Variants in NOX4 observed in about 807,000 individuals in gnomAD.
NOX4 encodes the protein NADPH oxidase 4.
A neutral mutation model predicts 87.6 loss-of-function variants in NOX4; 69 were observed. The ratio of observed to expected loss-of-function variants is 0.79; its 90% confidence interval spans 0.65 to 0.96. The LOEUF is 0.96. Among genes scored for constraint, NOX4 ranks in the 40% least tolerant of loss-of-function variants. NOX4 has a pLI of 0.00. For missense variants in NOX4, 680 were observed against 681.5 expected (o/e 1.00, Z 0.02); for synonymous variants, 275 against 238.2 (o/e 1.15, Z -1.42).
chr11:89,400,097 G>A lies in NOX4; in HGVS notation c.1012-18C>T, dbSNP rs1172731822. 2 of 1,593,060 alleles carry A rather than the reference G, an allele frequency of 1.3e-6. No homozygotes were observed. The highest frequency in any genetic ancestry group is 4.5e-5 in the East Asian group (2 of 44,552). ...GTAATATACTAAAAAGCAACAAACA[G>A]ATAAGTTTTAAATGACCAATTAAGA... is the stretch of plus-strand genomic sequence containing the variant. On this transcript the variant is annotated intron_variant, in intron 10 of 17. Transcript: ENST00000263317.
chr11:89,411,892 A>G (rs1213719089), intron 8 of NOX4, among the ~76,000 whole-genome samples: 1 of 152,164 alleles, frequency 6.6e-6, no homozygotes, highest in Non-Finnish European at 1.5e-5. Flanking sequence ...TGGAGAAACA[A>G]AAAGACCCAA....
chr11:89,504,213 C>CA, the NOX4 span, among the ~76,000 whole-genome samples: 1 of 151,634 alleles, frequency 6.6e-6, no homozygotes, highest in Non-Finnish European at 1.5e-5. Context: ...ACTCTTGGCC[C>CA]AATTAAGTTG....
intron 8 of NOX4, among the ~76,000 whole-genome samples, chr11:89,412,446 G>A (rs893487478): frequency 6.6e-6 from 1 of 152,058 alleles, no homozygotes; most frequent in Non-Finnish European, 1.5e-5. Context: ...TCAAAAACTT[G>A]AAATAATATC....
the NOX4 span, among the ~76,000 whole-genome samples, chr11:89,567,555 A>G: frequency 6.6e-6 from 1 of 152,326 alleles, no homozygotes; most frequent in East Asian, 1.9e-4. Flanking sequence ...AAGAAGAAGC[A>G]AACATATCTT....
chr11:89,434,604 C>T (rs909582594), intron 6 of NOX4, among the ~76,000 whole-genome samples: 1 of 151,376 alleles, frequency 6.6e-6, no homozygotes, highest in African/African-American at 2.4e-5. Context: ...ATTGCACTTC[C>T]AAGTGTTTAC....
chr11:89,455,802 A>G (rs142272368), intron 2 of NOX4, among the ~76,000 whole-genome samples: 1 of 151,358 alleles, frequency 6.6e-6, no homozygotes, highest in African/African-American at 2.4e-5. Context: ...TTACTCCCAC[A>G]ATCTGTAGGC....
At chr11:89,446,058 C>T (rs1209676222) in intron 4 of NOX4, among the ~76,000 whole-genome samples, 2 of 152,046 alleles carry the variant, frequency 1.3e-5, no homozygotes, top group Non-Finnish European at 2.9e-5. Context: ...TGCCAAACAT[C>T]TCAATAGATA....
the NOX4 span, among the ~76,000 whole-genome samples, chr11:89,521,566 C>T: frequency 1.3e-5 from 2 of 150,908 alleles, no homozygotes; most frequent in Non-Finnish European, 3.0e-5. Flanking sequence ...TGACTTCAAA[C>T]TATAAGAATC....
chr11:89,491,887 C>G (rs1041865414), upstream of NOX4, among the ~76,000 whole-genome samples: 23 of 152,004 alleles, frequency 1.5e-4, no homozygotes, highest in African/African-American at 5.6e-4. Flanking sequence ...TTCTCCCACC[C>G]TTCCTCAGCA....
At position 89,370,620 on chromosome 11, in the gene NOX4, T is replaced by G. The variant is rs371600105; in HGVS notation, c.1135+2812A>C. 3.6e-4 allele frequency among the ~76,000 whole-genome samples: 55 copies of G among 152,170 alleles called. 1 individual carries two copies. Among genetic ancestry groups the G allele is most frequent in the African/African-American group, 1.1e-3 (47 of 41,576 alleles). On this transcript the variant is annotated intron_variant, in intron 12 of 17. Coordinates refer to ENST00000263317, the MANE Select transcript of NOX4 (RefSeq NM_016931.5). ...GAAGAGCAATAAGGTATTCATTCAA[T>G]TAAAAGAGAAATCTACTTGGGTAAT...
chr11:89,575,815 A>G, the NOX4 span, among the ~76,000 whole-genome samples: 2 of 149,642 alleles, frequency 1.3e-5, no homozygotes, highest in African/African-American at 4.9e-5. Flanking sequence ...TTTCCTTTTA[A>G]TAACTTTAAG....
chr11:89,403,571 C>T lies in NOX4; in HGVS notation c.630-1029G>A, dbSNP rs190069289. On this transcript the variant is annotated intron_variant, in intron 8 of 17. Coordinates refer to ENST00000263317, the MANE Select transcript of NOX4 (RefSeq NM_016931.5). The stretch of plus-strand genomic sequence containing the variant: ...CCTGACCAACAGGGAGAAGCCCCGT[C>T]TCTACTAAAAAACATACAAAATTAG... Among the ~76,000 whole-genome samples the T allele has an allele frequency of 6.6e-4, 101 of 152,146 alleles. 1 individual carries two copies. The East Asian group carries it at 0.013, about 19-fold the overall frequency.
Position 89,340,119 on chromosome 11 carries a change from T to C in NOX4, c.1390A>G (p.Arg464Gly). ...LRRLYFIWVC[R>G]DIQSFRWFAD... ...AACCAACGGAAGGACTGGATATCTC[T>C]GCATACCCAAATAAAGTATAGTCTT... Residue 464 changes from arginine (R) to glycine (G), a missense_variant, in exon 15 of 18, where the codon AGA becomes GGA. Coordinates refer to ENST00000263317, the MANE Select transcript of NOX4 (RefSeq NM_016931.5). The C allele has an allele frequency of 1.9e-6, 3 of 1,587,776 alleles. No individual in the cohort carries two copies. The highest frequency in any genetic ancestry group is 2.6e-6 in the Non-Finnish European group (3 of 1,171,544).
At chr11:89,536,198 G>A in the NOX4 span, among the ~76,000 whole-genome samples, 6 of 129,636 alleles carry the variant, frequency 4.6e-5, no homozygotes, top group Admixed American at 3.7e-4. Context: ...TCAGGCTGGT[G>A]TGCAGTGGCG....
chr11:89,444,217 G>A lies in NOX4; in HGVS notation c.365C>T (p.Ala122Val), dbSNP rs368290667. The A allele has an allele frequency of 2.8e-5, 45 of 1,613,184 alleles. No homozygotes were observed. The highest frequency in any genetic ancestry group is 3.6e-5 in the Non-Finnish European group (43 of 1,179,530). Residue 122 changes from alanine (A) to valine (V), a missense_variant, in exon 5 of 18, where the codon GCC (alanine) becomes GTC (valine). Coordinates refer to ENST00000263317, the MANE Select transcript of NOX4 (RefSeq NM_016931.5). ...ICIFSGVHVA[A>V]HLVNALNFSV... ...GAAGTTGAGGGCATTCACCAGATGG[G>A]CAGCCACATGCACGCCTACAGAATT...
At chr11:89,523,460 CAGAT>C in the NOX4 span, among the ~76,000 whole-genome samples, 4 of 152,170 alleles carry the variant, frequency 2.6e-5, no homozygotes, top group Non-Finnish European at 5.9e-5. Context: ...GGTACAGAAA[CAGAT>C]GGATTAAAAG....
intron 8 of NOX4, among the ~76,000 whole-genome samples, chr11:89,418,927 C>A (rs553885600): frequency 6.6e-6 from 1 of 151,964 alleles, no homozygotes; most frequent in African/African-American, 2.4e-5. Flanking sequence ...GGTAGAAAAA[C>A]CAGTCAACAA....
chr11:89,373,656 C>A (rs317164), intron 11 of NOX4, among the ~76,000 whole-genome samples, 164 bp from the exon 12 acceptor site: 2,239 of 151,980 alleles, frequency 0.015, 57 homozygotes, highest in African/African-American at 0.051. Context: ...AAAAAAAAAT[C>A]AATGTCAACA....
At chr11:89,489,733 A>C (rs1295575569) in intron 2 of NOX4, among the ~76,000 whole-genome samples, 1 of 151,296 alleles carries the variant, frequency 6.6e-6, no homozygotes, top group Admixed American at 6.6e-5. Context: ...GTCTCAAAAA[A>C]AAAAAAAGAA....
Sources: gnomAD v4.1 joint callset for allele counts (sites outside exome capture counted in the v4.1 genomes callset) on GRCh38, gnomAD v4.1.1 for gene constraint, MANE v1.5 for transcripts, NCBI Gene and HGNC (gene_info 2026-07-23, HGNC 2026-07-21) for gene names.